The following CDV3 variants were observed in gnomAD, a reference collection of about 807,000 sequenced individuals.
The protein encoded by CDV3 is CDV3 homolog.
A neutral mutation model predicts 24.5 loss-of-function variants in CDV3; 14 were observed. The ratio of observed to expected loss-of-function variants is 0.57; its 90% CI spans 0.38 to 0.89. The LOEUF (loss-of-function observed/expected upper bound fraction) is 0.89, where lower values mean the gene tolerates loss of function less well. CDV3 is among the 40% of genes least tolerant of loss of function. CDV3 has a pLI of 0.00. For missense variants in CDV3, 304 were observed against 310.2 expected (o/e 0.98, Z 0.15); for synonymous variants, 114 against 114.1 (o/e 1.00, Z 0.00).
At chr3:133,576,841 C>CTCTTTTTTT (rs2074826777) in intron 2 of CDV3, among the ~76,000 whole-genome samples, 4 of 62,388 alleles carry the variant, frequency 6.4e-5, no homozygotes, top group African/African-American at 2.7e-4. Flanking sequence ...GGTAGACTAG[C>CTCTTTTTTT]TTTTTTTTTT....
chr3:133,583,941 C>T (rs1246727799), intron 2 of CDV3, 61 bp from the exon 3 acceptor site: 13 of 1,236,666 alleles, frequency 1.1e-5, no homozygotes, highest in Admixed American at 1.0e-4. Flanking sequence ...ATAAAACTAA[C>T]GATTTGGACT....
chr3:133,573,980 G>A lies in CDV3; in HGVS notation c.-65G>A, dbSNP rs929658165. On this transcript the variant is annotated 5_prime_UTR_variant, in exon 1 of 5. Transcript: ENST00000264993. ...AGCGCAGAGCCGGCCTCGACCCCGA[G>A]CTCGGAGCCCCGCGGGCCGCGCCCG... 31 of 1,008,770 alleles carry A rather than the reference G, an allele frequency of 3.1e-5. No individual in the cohort carries two copies. Among genetic ancestry groups the A allele is most frequent in the Non-Finnish European group, 3.5e-5 (30 of 846,468 alleles). The allele number at this position is 1,008,770 out of a possible 1,614,324, so 62.5% of individuals were successfully genotyped here.
At chr3:133,585,440 CA>C (rs1156951405) in intron 3 of CDV3, among the ~76,000 whole-genome samples, 1 of 152,042 alleles carries the variant, frequency 6.6e-6, no homozygotes, top group Non-Finnish European at 1.5e-5. Context: ...CTCGGCCTCC[CA>C]AAGTGCTGGG....
At chr3:133,587,803 T>C (rs1044895312) in intron 4 of CDV3, 93 bp from the exon 5 acceptor site, 7 of 1,510,002 alleles carry the variant, frequency 4.6e-6, no homozygotes, top group Non-Finnish European at 6.2e-6. Context: ...AGGATTCTTC[T>C]AAGGGGTGGC....
At chr3:133,574,521 C>T (rs541638933) in intron 1 of CDV3, 8 of 986,018 alleles carry the variant, frequency 8.1e-6, no homozygotes, top group Non-Finnish European at 9.6e-6. Flanking sequence ...TTAGCCAAGG[C>T]CCGGGCGGCG....
chr3:133,584,151 G>A lies in CDV3; in HGVS notation c.466+1G>A. 1 of 1,587,396 alleles carries A rather than the reference G, an allele frequency of 6.3e-7. No homozygotes were observed. ...CAAGCACCTCCTGCTCCAGTAATTGGTAATTTTACTATTTCAGTTTCAGAA... is the reference window on the plus strand; with the variant it reads ...CAAGCACCTCCTGCTCCAGTAATTGATAATTTTACTATTTCAGTTTCAGAA... On this transcript the variant is annotated splice_donor_variant, in intron 3 of 4. Transcript: ENST00000264993. LOFTEE classifies it high-confidence loss of function.
intron 1 of CDV3, chr3:133,574,698 TAGTCTCTA>T: frequency 1.9e-6 from 2 of 1,065,696 alleles, no homozygotes; most frequent in Non-Finnish European, 2.3e-6. Context: ...TGTGATGACT[TAGTCTCTA>T]AGCCCGTGAA....
intron 4 of CDV3, among the ~76,000 whole-genome samples, 182 bp downstream of exon 4, chr3:133,586,904 G>T (rs1933662262): frequency 6.6e-6 from 1 of 152,232 alleles, no homozygotes; most frequent in Non-Finnish European, 1.5e-5. Flanking sequence ...AGGGAGGAAA[G>T]GGGGAGGGCA....
intron 2 of CDV3, among the ~76,000 whole-genome samples, chr3:133,577,375 T>A (rs1290909592): frequency 6.6e-6 from 1 of 151,956 alleles, no homozygotes; most frequent in East Asian, 1.9e-4. Flanking sequence ...TTTTTTTTTT[T>A]TTGAGACAGA....
intron 3 of CDV3, 50 bp downstream of exon 3, chr3:133,584,200 T>A (rs774734497): frequency 2.2e-6 from 3 of 1,367,840 alleles, no homozygotes; most frequent in Non-Finnish European, 3.1e-6. Context: ...ATATATGATT[T>A]TATATATGGT....
intron 2 of CDV3, among the ~76,000 whole-genome samples, chr3:133,576,381 G>A (rs1489941107): frequency 6.6e-6 from 1 of 151,842 alleles, no homozygotes; most frequent in East Asian, 2.0e-4. Context: ...TAAATAATGG[G>A]GAGGAGGGAA....
rs1933826739 is a variant in CDV3 at position 133,588,455 on chromosome 3, G to A, written c.*409G>A. On this transcript the variant is annotated 3_prime_UTR_variant, in exon 5 of 5. Transcript: ENST00000264993. ...GATAAGAAGATTACAACTATTAAGT[G>A]TCGATGTGAACCTTGCAACCAGCTC... 3 of 1,294,460 alleles carry A rather than the reference G, an allele frequency of 2.3e-6. No homozygotes were observed. Among genetic ancestry groups the A allele is most frequent in the South Asian group, 2.6e-5 (2 of 78,288 alleles). 80.2% of individuals were successfully genotyped at this position (1,294,460 alleles called of 1,614,324 possible).
chr3:133,578,679 G>C (rs1030171064), intron 2 of CDV3, among the ~76,000 whole-genome samples: 1 of 152,208 alleles, frequency 6.6e-6, no homozygotes, highest in Admixed American at 6.5e-5. Context: ...GCCAGGCATA[G>C]CTGATCAGGC....
At chr3:133,581,685 C>G (rs897142590) in intron 2 of CDV3, among the ~76,000 whole-genome samples, 2 of 152,182 alleles carry the variant, frequency 1.3e-5, no homozygotes, top group East Asian at 3.8e-4. Flanking sequence ...AGAATCTGCT[C>G]CTAATTGCTT....
intron 2 of CDV3, among the ~76,000 whole-genome samples, chr3:133,577,863 A>G: frequency 6.6e-6 from 1 of 152,252 alleles, no homozygotes; most frequent in East Asian, 1.9e-4. Flanking sequence ...CTGAATTAAC[A>G]GATCTTATTC....
At chr3:133,582,141 A>G (rs1933097138) in intron 2 of CDV3, among the ~76,000 whole-genome samples, 1 of 152,054 alleles carries the variant, frequency 6.6e-6, no homozygotes, top group African/African-American at 2.4e-5. Flanking sequence ...GGTAATTCAT[A>G]CAATGCTGCC....
At chr3:133,578,718 A>G (rs1313493223) in intron 2 of CDV3, among the ~76,000 whole-genome samples, 1 of 152,218 alleles carries the variant, frequency 6.6e-6, no homozygotes, top group Non-Finnish European at 1.5e-5. Context: ...TTACTGTTGC[A>G]GCAATGCTAG....
At chr3:133,577,107 A>T in intron 2 of CDV3, among the ~76,000 whole-genome samples, 1 of 151,596 alleles carries the variant, frequency 6.6e-6, no homozygotes, top group Non-Finnish European at 1.5e-5. Context: ...CAGCCTCCCA[A>T]AGTGCTGGGA....
chr3:133,576,841 C>CTT lies in CDV3; in HGVS notation c.317+1748_317+1749dup, dbSNP rs370619351. ...TCTGTTCAACCTGAAGGTAGACTAG[C>CTT]TTTTTTTTTTTTTTTTTTTTTTTGA... On this transcript the variant is annotated intron_variant, in intron 2 of 4. Coordinates refer to ENST00000264993, the MANE Select transcript of CDV3 (RefSeq NM_017548.5). 6.9e-3 allele frequency among the ~76,000 whole-genome samples: 433 copies of CTT among 62,356 alleles called. 54 individuals carry two copies. Among genetic ancestry groups the CTT allele is most frequent in the East Asian group, 0.013 (25 of 1,922 alleles). The allele number at this position is 62,356 out of a possible 152,430, so 40.9% of individuals were successfully genotyped here. A position where few individuals can be genotyped will look rare whatever the true frequency, so the allele number is the denominator to read the frequency against.
Sources: gnomAD v4.1 joint callset for allele counts (sites outside exome capture counted in the v4.1 genomes callset) on GRCh38, gnomAD v4.1.1 for gene constraint, MANE v1.5 for transcripts, NCBI Gene and HGNC (gene_info 2026-07-23, HGNC 2026-07-21) for gene names.